Variants in FERMT2 observed in about 807,000 individuals in gnomAD.
FERMT2 encodes the protein fermitin family homolog 2.
Under a neutral mutation model 82.7 loss-of-function variants are expected in FERMT2, and 15 were observed. The ratio of observed to expected loss-of-function variants is 0.18; its 90% CI spans 0.12 to 0.28. The LOEUF (loss-of-function observed/expected upper bound fraction) is 0.28, where lower values mean the gene tolerates loss of function less well. Among genes scored for constraint, FERMT2 ranks in the 10% least tolerant of loss-of-function variants. The pLI is 1.00. For missense variants in FERMT2, 645 were observed against 809.4 expected (o/e 0.80, Z 2.46); for synonymous variants, 274 against 271.5 (o/e 1.01, Z -0.09).
intron 2 of FERMT2, among the ~76,000 whole-genome samples, chr14:52,923,777 A>C (rs2139652265): frequency 6.6e-6 from 1 of 152,224 alleles, no homozygotes; most frequent in East Asian, 1.9e-4. Flanking sequence ...AAACTAGTGG[A>C]TGAGTAACAA....
chr14:52,930,317 G>C (rs1207298124), intron 2 of FERMT2, among the ~76,000 whole-genome samples: 1 of 152,170 alleles, frequency 6.6e-6, no homozygotes, highest in Non-Finnish European at 1.5e-5. Flanking sequence ...CCACTTGTAA[G>C]TCTGAGAATT....
Position 52,878,682 on chromosome 14 carries a change from G to A in FERMT2, c.863C>T (p.Ala288Val). Reference protein sequence around the residue: ...SFFDLNPKYDAIRINQLYEQA... With the variant: ...SFFDLNPKYDVIRINQLYEQA... The stretch of plus-strand genomic sequence containing the variant: ...CTCGTAAAGCTGATTGATTCTGATT[G>A]CATCATACTGCAACAAGAGAAATAG... Residue 288 changes from alanine to valine, a missense_variant, in exon 7 of 15, where the codon GCA becomes GTA. Ala to Val is a moderately conservative substitution (Grantham distance 64). Transcript: ENST00000341590. The A allele has an allele frequency of 1.3e-6, 2 of 1,523,064 alleles. No individual in the cohort carries two copies. The highest frequency in any genetic ancestry group is 2.3e-5 in the East Asian group (1 of 43,000). 94.3% of individuals were successfully genotyped at this position (1,523,064 alleles called of 1,614,324 possible). A position where few individuals can be genotyped will look rare whatever the true frequency, so the allele number is the denominator to read the frequency against.
At chr14:52,895,626 A>G (rs1464711573) in intron 3 of FERMT2, among the ~76,000 whole-genome samples, 1 of 152,326 alleles carries the variant, frequency 6.6e-6, no homozygotes, top group East Asian at 1.9e-4. Context: ...AATGCCAACA[A>G]ATCCATAGTG....
chr14:52,919,700 G>A lies in FERMT2; in HGVS notation c.158-344C>T, dbSNP rs571000323. ...GATTAATAAAGACAAGGAGTTGGTG[G>A]GCTTGGAACTCGTCCTATAGGAATG... On this transcript the variant is annotated intron_variant, in intron 2 of 14. Transcript: ENST00000341590. Among the ~76,000 whole-genome samples, 3 of 152,298 alleles carry A rather than the reference G, an allele frequency of 2.0e-5. No individual in the cohort carries two copies. The South Asian group carries it at 6.2e-4, about 32-fold the overall frequency.
intron 10 of FERMT2, among the ~76,000 whole-genome samples, chr14:52,868,637 ACT>A (rs1885433204): frequency 6.6e-6 from 1 of 151,962 alleles, no homozygotes; most frequent in Non-Finnish European, 1.5e-5. Flanking sequence ...CCAGTCTAAC[ACT>A]CTCATTTCTC....
At chr14:52,944,670 GA>G (rs1890245567) in intron 2 of FERMT2, among the ~76,000 whole-genome samples, 1 of 152,206 alleles carries the variant, frequency 6.6e-6, no homozygotes, top group African/African-American at 2.4e-5. Flanking sequence ...GAGATGCAAT[GA>G]ACGTATACCA....
chr14:52,946,144 G>T (rs1595030575), intron 2 of FERMT2, among the ~76,000 whole-genome samples: 2 of 152,160 alleles, frequency 1.3e-5, no homozygotes, highest in Admixed American at 1.3e-4. Context: ...CAAAGTGCTG[G>T]GATTAGAGGC....
chr14:52,877,502 T>TA (rs375234048), intron 7 of FERMT2, among the ~76,000 whole-genome samples: 26 of 152,138 alleles, frequency 1.7e-4, no homozygotes, highest in African/African-American at 6.3e-4. Context: ...ACCTGGGATT[T>TA]ATTTTCCTTG....
intron 2 of FERMT2, among the ~76,000 whole-genome samples, chr14:52,930,323 G>A (rs530251086): frequency 1.3e-5 from 2 of 152,266 alleles, no homozygotes; most frequent in South Asian, 4.1e-4. Context: ...GTAAGTCTGA[G>A]AATTCAGATT....
intron 2 of FERMT2, among the ~76,000 whole-genome samples, chr14:52,923,994 A>G (rs1889109428): frequency 6.6e-6 from 1 of 152,202 alleles, no homozygotes; most frequent in Admixed American, 6.5e-5. Context: ...AGCATTCCTG[A>G]AGACTCAACA....
chr14:52,893,667 G>A (rs1011899213), intron 3 of FERMT2, among the ~76,000 whole-genome samples: 2 of 151,992 alleles, frequency 1.3e-5, no homozygotes, highest in Non-Finnish European at 2.9e-5. Flanking sequence ...ACTAGGGTAC[G>A]GAAAGAAAAT....
intron 3 of FERMT2, among the ~76,000 whole-genome samples, chr14:52,897,039 CA>C (rs1566736821): frequency 1.7e-4 from 25 of 146,540 alleles, no homozygotes; most frequent in Admixed American, 1.1e-3. Flanking sequence ...CACACACACA[CA>C]CACACACACC....
chr14:52,893,888 G>A (rs1256626614), intron 3 of FERMT2, among the ~76,000 whole-genome samples: 1 of 149,856 alleles, frequency 6.7e-6, no homozygotes, highest in African/African-American at 2.5e-5. Flanking sequence ...GAGTGCAATT[G>A]AGCAATCTCG....
At chr14:52,895,587 T>TATGTAATGGA (rs1887210258) in intron 3 of FERMT2, among the ~76,000 whole-genome samples, 1 of 152,200 alleles carries the variant, frequency 6.6e-6, no homozygotes. Context: ...GAAAAGAGTA[T>TATGTAATGGA]ATGTGATTCC....
intron 3 of FERMT2, among the ~76,000 whole-genome samples, chr14:52,895,921 G>A (rs1314760149): frequency 6.6e-6 from 1 of 152,214 alleles, no homozygotes; most frequent in Non-Finnish European, 1.5e-5. Flanking sequence ...TGTGTTCTGA[G>A]AAATGTGTCC....
At chr14:52,866,834 T>G (rs892989136) in intron 10 of FERMT2, among the ~76,000 whole-genome samples, 3 of 152,176 alleles carry the variant, frequency 2.0e-5, no homozygotes, top group Non-Finnish European at 4.4e-5. Context: ...TAGCTGTCCT[T>G]GCTTCCACGC....
At position 52,872,999 on chromosome 14, in the gene FERMT2, A is replaced by G. The variant is rs1885722357; in HGVS notation, c.1149-76T>C. ...AACGCTGTATTAGCAAAGTTTCACA[A>G]TATTAATTTAAGTCTGGGGTCAAGT... On this transcript the variant is annotated intron_variant, in intron 9 of 14. Coordinates refer to ENST00000341590, the MANE Select transcript of FERMT2 (RefSeq NM_006832.3). The G allele has an allele frequency of 4.9e-6, 7 of 1,415,302 alleles. No individual in the cohort carries two copies. In the African/African-American group the frequency reaches 8.5e-5, roughly 17 times the overall value. The allele number at this position is 1,415,302 out of a possible 1,614,324, so 87.7% of individuals were successfully genotyped here. A position where few individuals can be genotyped will look rare whatever the true frequency, so the allele number is the denominator to read the frequency against.
At chr14:52,863,841 G>A (rs1885100684) in intron 12 of FERMT2, among the ~76,000 whole-genome samples, 1 of 151,980 alleles carries the variant, frequency 6.6e-6, no homozygotes, top group Non-Finnish European at 1.5e-5. Context: ...ATTATATATG[G>A]AATAAAATTA....
chr14:52,919,254 T>C lies in FERMT2; in HGVS notation c.260A>G (p.Asp87Gly). 1 of 1,614,138 alleles carries C rather than the reference T, an allele frequency of 6.2e-7. No homozygotes were observed. Among genetic ancestry groups the C allele is most frequent in the Non-Finnish European group, 8.5e-7 (1 of 1,179,988 alleles). The change falls in exon 3 of 15, where the codon GAT becomes GGT. Residue 87 changes from aspartate to glycine, a missense_variant. By Grantham distance (94) the Asp-to-Gly change is moderately conservative (BLOSUM62 -1). Coordinates refer to ENST00000341590, the MANE Select transcript of FERMT2 (RefSeq NM_006832.3). Reference protein sequence around the residue: ...WTLDKYGIQADAKLQFTPQHK... With the variant: ...WTLDKYGIQAGAKLQFTPQHK... Reference sequence around the variant, plus strand: ...CTGAGGGGTGAACTGAAGCTTAGCATCTGCCTGAATACCATACTTATCTAA... The same window carrying C: ...CTGAGGGGTGAACTGAAGCTTAGCACCTGCCTGAATACCATACTTATCTAA...
Sources: allele counts gnomAD v4.1 joint callset (sites outside exome capture counted in the v4.1 genomes callset), GRCh38; gene constraint gnomAD v4.1.1; transcripts MANE v1.5; gene names NCBI Gene and HGNC (gene_info 2026-07-23, HGNC 2026-07-21).